Variants in SNX18 observed in about 807,000 individuals in gnomAD.
The protein encoded by SNX18 is sorting nexin 18.
In SNX18, 35 loss-of-function variants were observed where a neutral mutation model predicts 48.7. That is an observed-to-expected ratio of 0.72 (90% CI 0.55 to 0.95). The LOEUF (loss-of-function observed/expected upper bound fraction) is 0.95. Ranked by LOEUF, SNX18 falls within the 40% of genes least tolerant of loss-of-function variation. SNX18 has a pLI of 0.00. For synonymous variants in SNX18, 492 were observed against 384.7 expected, an observed-to-expected ratio of 1.28 and a Z score of -3.26; for missense variants, 824 against 871.0, an observed-to-expected ratio of 0.95 and a Z score of 0.68.
the SNX18 span, among the ~76,000 whole-genome samples, chr5:54,598,026 C>A: frequency 6.6e-6 from 1 of 152,000 alleles, no homozygotes; most frequent in Non-Finnish European, 1.5e-5. Flanking sequence ...AGAGAAGAAT[C>A]AAATAGACAC....
the SNX18 span, among the ~76,000 whole-genome samples, chr5:54,582,053 G>A: frequency 2.0e-5 from 3 of 152,144 alleles, no homozygotes; most frequent in Non-Finnish European, 2.9e-5. Context: ...ATGAGAATTC[G>A]CCTCTATACC....
chr5:54,518,548 C>G lies in SNX18; in HGVS notation c.596C>G (p.Ser199Cys), dbSNP rs964311384. Reference protein sequence around the residue: ...AAGRYRLSTRSDLSLGSRGGS... With the variant: ...AAGRYRLSTRCDLSLGSRGGS... ...GGCCGCTACCGCCTGTCCACGCGCT[C>G]CGACCTGTCCCTGGGTTCCCGCGGC... The change falls in exon 1 of 2, where the codon TCC becomes TGC. Residue 199 changes from serine (S) to cysteine (C), a missense_variant. By Grantham distance (112) the Ser-to-Cys change is moderately radical. Around this residue, in one of 3 missense-constraint regions of SNX18, gnomAD observed 377 missense variants for 350.6 expected, o/e 1.08. Coordinates refer to ENST00000381410, the MANE Select transcript of SNX18 (RefSeq NM_001102575.2). 6.9e-6 allele frequency: 11 copies of G among 1,586,336 alleles called. No homozygotes were observed. In the Admixed American group the frequency reaches 7.0e-5, roughly 10 times the overall value.
At position 54,545,631 on chromosome 5, in the gene SNX18, A is replaced by G. The variant is rs1295021021; in HGVS notation, c.*2199A>G. 1 of 152,192 alleles carries G rather than the reference A, an allele frequency of 6.6e-6. No homozygotes were observed. The highest frequency in any genetic ancestry group is 1.5e-5 in the Non-Finnish European group (1 of 68,032). The allele number at this position is 152,192 out of a possible 1,614,324, so 9.4% of individuals were successfully genotyped here. ...TCATTCTTCATAACCACATAACATTATAATGCCACTGATTCATACGGGATT... is the reference window on the plus strand; with the variant it reads ...TCATTCTTCATAACCACATAACATTGTAATGCCACTGATTCATACGGGATT... On this transcript the variant is annotated 3_prime_UTR_variant, in exon 2 of 2. Coordinates refer to ENST00000381410, the MANE Select transcript of SNX18 (RefSeq NM_001102575.2).
chr5:54,587,793 C>G, the SNX18 span, among the ~76,000 whole-genome samples: 1 of 151,662 alleles, frequency 6.6e-6, no homozygotes, highest in Non-Finnish European at 1.5e-5. Context: ...CACCTATTTC[C>G]ATTCTTTCAC....
intron 1 of SNX18, among the ~76,000 whole-genome samples, chr5:54,528,250 A>AT (rs1762175254): frequency 6.6e-6 from 1 of 151,274 alleles, no homozygotes; most frequent in Admixed American, 6.6e-5. Flanking sequence ...CAGAGAATAC[A>AT]TTCACCTTGT....
At chr5:54,619,313 C>A in the SNX18 span, among the ~76,000 whole-genome samples, 6 of 152,180 alleles carry the variant, frequency 3.9e-5, no homozygotes, top group African/African-American at 1.2e-4. Context: ...GAGTTTGAGA[C>A]CTGCCTGGGC....
chr5:54,642,693 T>TA, the SNX18 span, among the ~76,000 whole-genome samples: 5 of 152,228 alleles, frequency 3.3e-5, no homozygotes, highest in Non-Finnish European at 7.3e-5. Flanking sequence ...TCTAGCGTCT[T>TA]AACATATTTG....
At chr5:54,594,740 G>A in the SNX18 span, among the ~76,000 whole-genome samples, 4 of 152,216 alleles carry the variant, frequency 2.6e-5, no homozygotes, top group South Asian at 4.1e-4. Context: ...GGGGTATTAC[G>A]TGATGCTAAG....
intron 1 of SNX18, among the ~76,000 whole-genome samples, chr5:54,536,216 T>C (rs1351468806): frequency 3.3e-5 from 5 of 152,122 alleles, no homozygotes; most frequent in African/African-American, 1.2e-4. Context: ...TAATTATTTT[T>C]CCTGTACTTC....
intron 1 of SNX18, among the ~76,000 whole-genome samples, chr5:54,526,941 C>A (rs187250711): frequency 3.3e-5 from 5 of 151,364 alleles, no homozygotes; most frequent in Non-Finnish European, 7.4e-5. Flanking sequence ...TCAGGAGAGT[C>A]GTCCAAGCAG....
chr5:54,608,235 T>C, the SNX18 span, among the ~76,000 whole-genome samples: 1 of 152,208 alleles, frequency 6.6e-6, no homozygotes, highest in Non-Finnish European at 1.5e-5. Flanking sequence ...GGTCATATTA[T>C]GGCTTTAATT....
In SNX18 at chr5:54,518,011, C is replaced by T; in HGVS notation, c.59C>T (p.Ser20Leu). 6.5e-7 allele frequency: 1 copy of T among 1,546,822 alleles called. No individual in the cohort carries two copies. Among genetic ancestry groups the T allele is most frequent in the Non-Finnish European group, 8.7e-7 (1 of 1,149,104 alleles). ...AGGTCGGAGAACCCAGGAGAGATCT[C>T]GCTGCGAGAGCACGAGGTGCTGAGC... ...DFRSENPGEI[S>L]LREHEVLSLC... The change falls in exon 1 of 2, where the codon TCG becomes TTG. Residue 20 changes from serine to leucine, a missense_variant. Physicochemically the swap from Ser to Leu is moderately radical, Grantham distance 145. Coordinates refer to ENST00000381410, the MANE Select transcript of SNX18 (RefSeq NM_001102575.2).
At chr5:54,551,079 CAA>C (rs35257130), downstream of SNX18, among the ~76,000 whole-genome samples, 4 of 119,560 alleles carry the variant, frequency 3.3e-5, no homozygotes, top group African/African-American at 3.1e-5. Flanking sequence ...AGGGGACTAG[CAA>C]AAAAAAAAAA....
In SNX18 at chr5:54,527,362, G is replaced by A. The variant is rs879616332; in HGVS notation, c.1621+7789G>A. On this transcript the variant is annotated intron_variant, in intron 1 of 1. Coordinates refer to ENST00000381410, the MANE Select transcript of SNX18 (RefSeq NM_001102575.2). ...CAGAGGTGGTGGTCGGGGAGCCGGG[G>A]GGGGGGGTCCCCCTCCAGCTATATT... Among the ~76,000 whole-genome samples the A allele has an allele frequency of 6.1e-4, 93 of 151,978 alleles. 1 individual carries two copies. The highest frequency in any genetic ancestry group is 2.0e-3 in the African/African-American group (81 of 41,484).
Position 54,518,025 on chromosome 5 carries a change from G to T in SNX18, c.73G>T (p.Glu25Ter). The T allele has an allele frequency of 1.3e-6, 2 of 1,549,246 alleles. No homozygotes were observed. The highest frequency in any genetic ancestry group is 1.7e-6 in the Non-Finnish European group (2 of 1,150,920). Residue 25 changes from glutamate to a stop codon, truncating the protein, a stop_gained, in exon 1 of 2, where the codon GAG (glutamate) becomes TAG (stop). Coordinates refer to ENST00000381410, the MANE Select transcript of SNX18 (RefSeq NM_001102575.2). LOFTEE classifies it high-confidence loss of function. ...NPGEISLREH[E>*]VLSLCSEQDI... is the part of the protein sequence containing the mutation. ...AGGAGAGATCTCGCTGCGAGAGCAC[G>T]AGGTGCTGAGCCTGTGCAGCGAGCA...
chr5:54,634,135 T>C, the SNX18 span, among the ~76,000 whole-genome samples: 3 of 152,162 alleles, frequency 2.0e-5, no homozygotes, highest in Non-Finnish European at 4.4e-5. Flanking sequence ...GCAGATGAAA[T>C]TGATTTAAGG....
At chr5:54,613,846 G>C in the SNX18 span, among the ~76,000 whole-genome samples, 3 of 152,110 alleles carry the variant, frequency 2.0e-5, no homozygotes, top group Non-Finnish European at 4.4e-5. Context: ...TTATAGGCAT[G>C]TGCCACCATG....
chr5:54,606,509 G>A, the SNX18 span, among the ~76,000 whole-genome samples: 136,305 of 152,120 alleles, frequency 0.9, 62,168 homozygotes, highest in South Asian at 0.98. Flanking sequence ...GAGACCAGGT[G>A]GTTCACTGGG....
the SNX18 span, among the ~76,000 whole-genome samples, chr5:54,610,486 G>T: frequency 1.3e-5 from 2 of 152,174 alleles, no homozygotes; most frequent in Non-Finnish European, 2.9e-5. Context: ...CAGGGCAGAT[G>T]GAGAGTGATT....
Sources: gnomAD v4.1 joint callset for allele counts (sites outside exome capture counted in the v4.1 genomes callset) on GRCh38, gnomAD v4.1.1 for gene constraint, gnomAD v4.1.1 regional missense constraint, MANE v1.5 for transcripts, NCBI Gene and HGNC (gene_info 2026-07-23, HGNC 2026-07-21) for gene names.